The following BST1 variants were observed in gnomAD, a reference collection of about 807,000 sequenced individuals.
BST1 encodes ADP-ribosyl cyclase/cyclic ADP-ribose hydrolase 2.
Under a neutral mutation model 40.6 loss-of-function variants are expected in BST1, and 49 were observed. That is an observed-to-expected ratio of 1.21 (90% confidence interval 0.96 to 1.53). The LOEUF (loss-of-function observed/expected upper bound fraction) is 1.53. BST1 is among the 40% of genes most tolerant of loss of function. The pLI is 0.00. For missense variants in BST1, 423 were observed against 395.9 expected (o/e 1.07, Z -0.58); for synonymous variants, 157 against 159.3 (o/e 0.99, Z 0.11).
the BST1 span, among the ~76,000 whole-genome samples, chr4:15,765,510 CT>C: frequency 1.3e-5 from 2 of 151,846 alleles, no homozygotes; most frequent in African/African-American, 2.4e-5. Context: ...GGACATGTCA[CT>C]CTTGTGCACC....
At position 15,703,231 on chromosome 4, in the gene BST1, G is replaced by GGC. The variant is rs762463312; in HGVS notation, c.97_98dup (p.Trp34GlyfsTer26). 3 of 1,545,380 alleles carry GGC rather than the reference G, an allele frequency of 1.9e-6. No individual in the cohort carries two copies. Among genetic ancestry groups the GGC allele is most frequent in the East Asian group, 2.5e-5 (1 of 40,704 alleles). ...TACTGTTGCTGCTGGCGGCGGGCGG[G>GGC]GCGCGCGCGCGGTGGCGCGGGGAGG... On this transcript the variant is annotated frameshift_variant, in exon 1 of 9. Coordinates refer to ENST00000265016, the MANE Select transcript of BST1 (RefSeq NM_004334.3). LOFTEE classifies it high-confidence loss of function.
intron 1 of BST1, 38 bp from the exon 2 acceptor site, chr4:15,705,477 G>T: frequency 3.2e-6 from 5 of 1,538,690 alleles, no homozygotes; most frequent in Non-Finnish European, 4.4e-6. Context: ...ATTATGATGT[G>T]CATGTGTGTG....
At chr4:15,750,780 T>C in the BST1 span, among the ~76,000 whole-genome samples, 129 of 152,350 alleles carry the variant, frequency 8.5e-4, 4 homozygotes, top group East Asian at 0.017. Flanking sequence ...AATTAAAATA[T>C]ATTTTAACAT....
intron 1 of BST1, chr4:15,704,814 G>A: frequency 2.9e-6 from 2 of 699,514 alleles, no homozygotes; most frequent in Admixed American, 2.1e-5. Flanking sequence ...GGTCTTTCTT[G>A]CCAGTGCTGC....
At chr4:15,724,596 G>A (rs1440410808) in intron 8 of BST1, among the ~76,000 whole-genome samples, 3 of 152,150 alleles carry the variant, frequency 2.0e-5, no homozygotes, top group East Asian at 3.9e-4. Flanking sequence ...TGAGGCAGGA[G>A]AATCACTTGA....
chr4:15,753,068 A>G, the BST1 span, among the ~76,000 whole-genome samples: 74 of 150,542 alleles, frequency 4.9e-4, no homozygotes, highest in Non-Finnish European at 9.3e-4. Context: ...AAATATAAAT[A>G]TAAATCACTA....
the BST1 span, chr4:15,743,611 C>T: frequency 3.3e-6 from 1 of 303,362 alleles, no homozygotes; most frequent in Non-Finnish European, 6.4e-6. Flanking sequence ...AGCTCTTCCT[C>T]CTGCCCCTCC....
Position 15,703,159 on chromosome 4 carries a change from G to A in BST1, c.15G>A (p.Gly5=). 1 of 1,576,118 alleles carries A rather than the reference G, an allele frequency of 6.3e-7. No homozygotes were observed. Among genetic ancestry groups the A allele is most frequent in the South Asian group, 1.2e-5 (1 of 86,686 alleles). Residue 5 remains glycine (G), a synonymous_variant, in exon 1 of 9, where the codon GGG becomes GGA. Transcript: ENST00000265016. ...AAAGTTCCCCGATGGCGGCCCAGGG[G>A]TGCGCGGCATCGCGGCTGCTCCAGC... MAAQ[G]CAASRLLQLL...
intron 6 of BST1, 104 bp downstream of exon 6, chr4:15,715,903 C>G (rs1003561348): frequency 3.6e-6 from 3 of 834,708 alleles, no homozygotes; most frequent in African/African-American, 3.6e-5. Context: ...GAAATGACAG[C>G]CTTCTTTGCT....
chr4:15,728,818 G>C (rs1721247157), intron 8 of BST1, among the ~76,000 whole-genome samples: 1 of 151,794 alleles, frequency 6.6e-6, no homozygotes, highest in Non-Finnish European at 1.5e-5. Context: ...GCTGATTTTT[G>C]TATTTTTAGT....
At chr4:15,768,782 C>T in the BST1 span, among the ~76,000 whole-genome samples, 5 of 152,166 alleles carry the variant, frequency 3.3e-5, no homozygotes, top group East Asian at 9.7e-4. Flanking sequence ...AGGCGTGAGC[C>T]ACCGCGCCCG....
At chr4:15,757,740 C>T in the BST1 span, among the ~76,000 whole-genome samples, 1 of 152,120 alleles carries the variant, frequency 6.6e-6, no homozygotes, top group Non-Finnish European at 1.5e-5. Flanking sequence ...CTCCTGGGTT[C>T]GAGTGATTCT....
At chr4:15,762,172 G>C in the BST1 span, among the ~76,000 whole-genome samples, 1 of 130,484 alleles carries the variant, frequency 7.7e-6, no homozygotes, top group Non-Finnish European at 1.6e-5. Context: ...CTGGGCGACG[G>C]AGTGAGACTC....
the BST1 span, among the ~76,000 whole-genome samples, chr4:15,753,646 G>A: frequency 4.6e-5 from 7 of 152,212 alleles, no homozygotes; most frequent in African/African-American, 1.7e-4. Context: ...CTGGAGGTTC[G>A]CAGAGATGGT....
At chr4:15,717,201 C>G (rs1720562808) in intron 6 of BST1, among the ~76,000 whole-genome samples, 1 of 152,158 alleles carries the variant, frequency 6.6e-6, no homozygotes, top group African/African-American at 2.4e-5. Context: ...AAGGCATTTT[C>G]CCGGGTATTG....
chr4:15,720,486 T>C (rs998732455), intron 7 of BST1, among the ~76,000 whole-genome samples: 6 of 151,430 alleles, frequency 4.0e-5, no homozygotes, highest in African/African-American at 1.5e-4. Context: ...GTGTGGTGAC[T>C]GGTGCCTGTA....
chr4:15,707,429 C>A, intron 2 of BST1, 82 bp from the exon 3 acceptor site: 3 of 1,571,100 alleles, frequency 1.9e-6, no homozygotes, highest in Non-Finnish European at 2.6e-6. Context: ...CTGGATTGCC[C>A]AACTTGCCTT....
chr4:15,764,969 A>G, the BST1 span, among the ~76,000 whole-genome samples: 1 of 151,620 alleles, frequency 6.6e-6, no homozygotes, highest in Admixed American at 6.6e-5. Flanking sequence ...CCCCACTTCC[A>G]CCACCAACCA....
At chr4:15,731,329 C>T in intron 8 of BST1, 1 of 501,956 alleles carries the variant, frequency 2.0e-6, no homozygotes, top group South Asian at 2.0e-5. Context: ...AGTTTCTTGA[C>T]CAGTTTCTTA....
Sources: gnomAD v4.1 joint callset for allele counts (sites outside exome capture counted in the v4.1 genomes callset) on GRCh38, gnomAD v4.1.1 for gene constraint, MANE v1.5 for transcripts, NCBI Gene and HGNC (gene_info 2026-07-23, HGNC 2026-07-21) for gene names.